Variants in KLF12 observed in about 807,000 individuals in gnomAD.
KLF12 encodes KLF transcription factor 12.
A neutral mutation model predicts 37.8 loss-of-function variants in KLF12; 9 were observed. The observed-to-expected ratio is 0.24, with a 90% CI of 0.14 to 0.42. The LOEUF is 0.42. KLF12 is among the 10% of genes least tolerant of loss of function. The probability of loss-of-function intolerance (pLI) is 1.00; values close to 1 mark genes in which losing one functional copy is unlikely to be tolerated. For synonymous variants in KLF12, 208 were observed against 202.1 expected (o/e 1.03, Z -0.25); for missense variants, 411 against 516.0 (o/e 0.80, Z 1.97).
At chr13:74,252,769 C>A in the KLF12 span, among the ~76,000 whole-genome samples, 1 of 152,136 alleles carries the variant, frequency 6.6e-6, no homozygotes. Context: ...TCCCATCCTC[C>A]CTTCTCTTCC....
intron 7 of KLF12, among the ~76,000 whole-genome samples, chr13:73,700,940 G>A (rs1247083637): frequency 6.6e-6 from 1 of 152,076 alleles, no homozygotes; most frequent in East Asian, 1.9e-4. Context: ...CATGATGAGA[G>A]TAAAAAAACT....
chr13:74,224,837 A>T, the KLF12 span, among the ~76,000 whole-genome samples: 4 of 152,216 alleles, frequency 2.6e-5, no homozygotes, highest in Non-Finnish European at 5.9e-5. Flanking sequence ...ATTTAACTTC[A>T]TCAGGAAAAC....
At chr13:74,139,444 A>G in the KLF12 span, among the ~76,000 whole-genome samples, 1 of 152,266 alleles carries the variant, frequency 6.6e-6, no homozygotes, top group Non-Finnish European at 1.5e-5. Context: ...AATTTAGCAG[A>G]AAACTTGAGT....
chr13:74,085,631 T>C (rs1875234740), intron 1 of KLF12, among the ~76,000 whole-genome samples: 1 of 152,164 alleles, frequency 6.6e-6, no homozygotes, highest in South Asian at 2.1e-4. Flanking sequence ...AACCAGACAT[T>C]TGTAATACTG....
At chr13:74,120,713 A>G (rs914705959) in intron 1 of KLF12, among the ~76,000 whole-genome samples, 1 of 152,076 alleles carries the variant, frequency 6.6e-6, no homozygotes, top group Non-Finnish European at 1.5e-5. Flanking sequence ...TATAACATGT[A>G]TAAGTAAAAT....
chr13:74,153,841 C>T, the KLF12 span, among the ~76,000 whole-genome samples: 3 of 152,072 alleles, frequency 2.0e-5, no homozygotes, highest in East Asian at 1.9e-4. Context: ...CCTACCTGCC[C>T]GCCTGAATTT....
chr13:73,898,038 A>G (rs1226154348), intron 3 of KLF12, among the ~76,000 whole-genome samples: 2 of 152,136 alleles, frequency 1.3e-5, no homozygotes. Context: ...CTGCCAGGGT[A>G]CGCTCTTCTC....
the KLF12 span, among the ~76,000 whole-genome samples, chr13:74,237,169 GT>G: frequency 1.6e-5 from 2 of 122,802 alleles, no homozygotes; most frequent in African/African-American, 8.8e-5. Context: ...TGGCTAGCCA[GT>G]TTTCCCAGCA....
rs571632768 is a variant in KLF12 at position 73,798,886 on chromosome 13, T to C, written c.806+14266A>G. ...CAAAGAGTTAAAAGCAGAACTACCA[T>C]TGGATCCAGTAATCCCATTACTGGG... On this transcript the variant is annotated intron_variant, in intron 5 of 7. Coordinates refer to ENST00000377669, the MANE Select transcript of KLF12 (RefSeq NM_007249.5). Among the ~76,000 whole-genome samples, 6 of 152,284 alleles carry C rather than the reference T, an allele frequency of 3.9e-5. No individual in the cohort carries two copies. In the Middle Eastern group the frequency reaches 0.01, roughly 259 times the overall value.
the KLF12 span, among the ~76,000 whole-genome samples, chr13:74,279,137 C>T: frequency 5.9e-5 from 9 of 152,192 alleles, no homozygotes; most frequent in African/African-American, 2.2e-4. Context: ...TTCTTTCCCT[C>T]TTGGACATAC....
At chr13:73,849,381 A>C (rs868185570) in intron 3 of KLF12, among the ~76,000 whole-genome samples, 24,943 of 135,750 alleles carry the variant, frequency 0.18, 2,251 homozygotes, top group East Asian at 0.36. Flanking sequence ...TCCATAAAAA[A>C]AAAAAAAAAA....
the KLF12 span, among the ~76,000 whole-genome samples, chr13:74,287,389 A>AGAGAGAGAGAGAGAGAGAGAGG: frequency 1.3e-5 from 2 of 150,762 alleles, no homozygotes; most frequent in African/African-American, 4.9e-5. Context: ...AGAGAGAGAG[A>AGAGAGAGAGAGAGAGAGAGAGG]GAGAGAATCC....
chr13:74,128,917 G>A (rs955473603), intron 1 of KLF12, among the ~76,000 whole-genome samples: 3 of 151,598 alleles, frequency 2.0e-5, no homozygotes, highest in Non-Finnish European at 4.4e-5. Context: ...TGGTGTGTGT[G>A]GGTGGGTTAT....
At chr13:74,158,189 G>C in the KLF12 span, among the ~76,000 whole-genome samples, 1 of 152,148 alleles carries the variant, frequency 6.6e-6, no homozygotes, top group Non-Finnish European at 1.5e-5. Context: ...GCATAGGTCC[G>C]CGTGAGGGCA....
rs1861344627 is a variant in KLF12, at chr13:73,687,500, G to T, written c.*7990C>A. On this transcript the variant is annotated 3_prime_UTR_variant, in exon 8 of 8. Coordinates refer to ENST00000377669, the MANE Select transcript of KLF12 (RefSeq NM_007249.5). ...AGGAACAAAATATACACTATATTCT[G>T]GATGTAATTACAAAATTCTGCCATG... The T allele has an allele frequency of 6.6e-6, 1 of 152,068 alleles. No homozygotes were observed. Among genetic ancestry groups the T allele is most frequent in the African/African-American group, 2.4e-5 (1 of 41,424 alleles). The allele number at this position is 152,068 out of a possible 1,614,324, so 9.4% of individuals were successfully genotyped here. A position where few individuals can be genotyped will look rare whatever the true frequency, so the allele number is the denominator to read the frequency against.
the KLF12 span, among the ~76,000 whole-genome samples, chr13:74,275,215 G>T: frequency 6.6e-6 from 1 of 152,112 alleles, no homozygotes; most frequent in Non-Finnish European, 1.5e-5. Context: ...TGTGTGAGGC[G>T]GAGTGATTGG....
chr13:73,782,799 G>A (rs1174079753), intron 5 of KLF12, among the ~76,000 whole-genome samples: 1 of 152,210 alleles, frequency 6.6e-6, no homozygotes, highest in East Asian at 1.9e-4. Context: ...TATCAGATGA[G>A]TGGCTGCTTC....
the KLF12 span, among the ~76,000 whole-genome samples, chr13:74,281,448 G>C: frequency 6.6e-6 from 1 of 152,146 alleles, no homozygotes; most frequent in East Asian, 1.9e-4. Flanking sequence ...ATTAGATATG[G>C]CATGGAGTTA....
At chr13:74,115,547 A>T (rs1447408376) in intron 1 of KLF12, among the ~76,000 whole-genome samples, 1 of 147,192 alleles carries the variant, frequency 6.8e-6, no homozygotes, top group Non-Finnish European at 1.5e-5. Context: ...TCTACTAAAA[A>T]TACAAAAATT....
Sources: allele counts gnomAD v4.1 joint callset (sites outside exome capture counted in the v4.1 genomes callset), GRCh38; gene constraint gnomAD v4.1.1; transcripts MANE v1.5; gene names NCBI Gene and HGNC (gene_info 2026-07-23, HGNC 2026-07-21).